MACROD2: variants seen among roughly 807,000 people sequenced by gnomAD.
MACROD2 encodes the protein mono-ADP ribosylhydrolase 2.
In MACROD2, 36 loss-of-function variants were observed where a neutral mutation model predicts 70.4. The ratio of observed to expected loss-of-function variants is 0.51; its 90% CI spans 0.39 to 0.68. MACROD2 has a LOEUF of 0.68. Among genes scored for constraint, MACROD2 ranks in the 30% least tolerant of loss-of-function variants. The pLI, the probability that MACROD2 is intolerant of heterozygous loss-of-function variation, is 0.00. For synonymous variants in MACROD2, 172 were observed against 178.8 expected (o/e 0.96, Z 0.30); for missense variants, 496 against 538.4 (o/e 0.92, Z 0.78).
chr20:14,485,550 A>G (rs975457057), intron 3 of MACROD2, among the ~76,000 whole-genome samples: 2 of 151,812 alleles, frequency 1.3e-5, no homozygotes, highest in Admixed American at 1.3e-4. Flanking sequence ...AAATACAAAA[A>G]ATTAGCCGGG....
intron 8 of MACROD2, among the ~76,000 whole-genome samples, chr20:15,538,968 AAAT>A (rs1471769902): frequency 7.9e-5 from 12 of 152,208 alleles, no homozygotes; most frequent in Admixed American, 2.0e-4. Flanking sequence ...CATACCTAAT[AAAT>A]AATATGTCTA....
intron 5 of MACROD2, among the ~76,000 whole-genome samples, chr20:14,715,246 A>G (rs2071384467): frequency 6.6e-6 from 1 of 152,140 alleles, no homozygotes; most frequent in Non-Finnish European, 1.5e-5. Flanking sequence ...TATCACAATA[A>G]TAGCATGCAG....
chr20:15,686,601 G>A (rs1218340392), intron 8 of MACROD2, among the ~76,000 whole-genome samples: 2 of 152,126 alleles, frequency 1.3e-5, no homozygotes, highest in Admixed American at 6.5e-5. Flanking sequence ...GGCCGGGCAT[G>A]GTGGCTCATG....
chr20:14,443,603 A>G (rs2084151062), intron 3 of MACROD2, among the ~76,000 whole-genome samples: 1 of 152,028 alleles, frequency 6.6e-6, no homozygotes, highest in South Asian at 2.1e-4. Context: ...AGCCTGATGT[A>G]TGCTATTATA....
intron 5 of MACROD2, among the ~76,000 whole-genome samples, chr20:14,822,597 A>T (rs2072858977): frequency 6.6e-6 from 1 of 152,088 alleles, no homozygotes; most frequent in South Asian, 2.1e-4. Context: ...TGGTAGGTTT[A>T]ACTTTCATTT....
chr20:15,603,432 C>T (rs557435309), intron 8 of MACROD2, among the ~76,000 whole-genome samples: 36 of 149,930 alleles, frequency 2.4e-4, no homozygotes, highest in African/African-American at 5.4e-4. Context: ...CGCTTGAACC[C>T]GGGAGGTGGA....
At chr20:14,723,801 A>G (rs1041551377) in intron 5 of MACROD2, among the ~76,000 whole-genome samples, 2 of 151,898 alleles carry the variant, frequency 1.3e-5, no homozygotes, top group East Asian at 1.9e-4. Context: ...CAGATTGCAT[A>G]CGTATGTGTT....
chr20:14,801,254 A>C (rs992745124), intron 5 of MACROD2, among the ~76,000 whole-genome samples: 1 of 152,136 alleles, frequency 6.6e-6, no homozygotes, highest in African/African-American at 2.4e-5. Context: ...TGCGCCCCTC[A>C]GCAGTGACAG....
intron 5 of MACROD2, among the ~76,000 whole-genome samples, chr20:14,720,884 C>T (rs1312386237): frequency 6.6e-6 from 1 of 151,938 alleles, no homozygotes; most frequent in Non-Finnish European, 1.5e-5. Context: ...TTACAAATTG[C>T]TGGGTGCTTC....
chr20:14,007,510 A>G (rs1004417262), intron 2 of MACROD2, among the ~76,000 whole-genome samples: 2 of 152,182 alleles, frequency 1.3e-5, no homozygotes, highest in Admixed American at 6.5e-5. Flanking sequence ...ATGTATTTAT[A>G]GCTCCCATAT....
chr20:14,986,786 C>T (rs553743042), intron 5 of MACROD2, among the ~76,000 whole-genome samples: 20 of 152,252 alleles, frequency 1.3e-4, no homozygotes, highest in African/African-American at 4.6e-4. Context: ...GTTTCAGGTT[C>T]GCCTTCTCTC....
intron 5 of MACROD2, among the ~76,000 whole-genome samples, chr20:15,128,903 G>A (rs1415500141): frequency 1.3e-5 from 2 of 151,490 alleles, no homozygotes; most frequent in Admixed American, 1.3e-4. Context: ...TAATCACAGA[G>A]AGGATTACAA....
At chr20:14,740,878 G>A (rs979267739) in intron 5 of MACROD2, among the ~76,000 whole-genome samples, 3 of 152,120 alleles carry the variant, frequency 2.0e-5, no homozygotes, top group East Asian at 1.9e-4. Flanking sequence ...CTTCTCCTTT[G>A]TTGGGGATTA....
At chr20:15,077,336 G>A (rs1042471525) in intron 5 of MACROD2, among the ~76,000 whole-genome samples, 10 of 152,100 alleles carry the variant, frequency 6.6e-5, no homozygotes, top group African/African-American at 2.4e-4. Context: ...TATGTTTCAA[G>A]TTCATGACAT....
At chr20:15,580,817 G>A (rs1455746826) in intron 8 of MACROD2, among the ~76,000 whole-genome samples, 1 of 152,106 alleles carries the variant, frequency 6.6e-6, no homozygotes, top group East Asian at 1.9e-4. Context: ...GAAAGGGGAG[G>A]GAGAATTTTA....
intron 5 of MACROD2, among the ~76,000 whole-genome samples, chr20:15,144,476 C>T (rs1263385936): frequency 6.6e-6 from 1 of 152,134 alleles, no homozygotes. Context: ...GACTTTGAAA[C>T]TTTGAAACGT....
intron 3 of MACROD2, among the ~76,000 whole-genome samples, chr20:14,236,824 C>T (rs1291281414): frequency 6.6e-6 from 1 of 151,986 alleles, no homozygotes; most frequent in Non-Finnish European, 1.5e-5. Context: ...ATTTTAGATA[C>T]ACCATATTTT....
intron 8 of MACROD2, among the ~76,000 whole-genome samples, chr20:15,561,552 T>C (rs1159007099): frequency 6.6e-6 from 1 of 152,188 alleles, no homozygotes; most frequent in Non-Finnish European, 1.5e-5. Context: ...ACCAGTATGT[T>C]TGGGGCCTCA....
chr20:15,343,361 T>A (rs1279890573), intron 6 of MACROD2, among the ~76,000 whole-genome samples: 1 of 152,224 alleles, frequency 6.6e-6, no homozygotes, highest in African/African-American at 2.4e-5. Flanking sequence ...GATAAAAAAT[T>A]GATCTACTAA....
Sources: allele counts gnomAD v4.1 joint callset (sites outside exome capture counted in the v4.1 genomes callset), GRCh38; gene constraint gnomAD v4.1.1; transcripts MANE v1.5; gene names NCBI Gene and HGNC (gene_info 2026-07-23, HGNC 2026-07-21).